Variants in TMEM30A observed in about 807,000 individuals in gnomAD.
The protein encoded by TMEM30A is cell cycle control protein 50A.
TMEM30A carries 24 observed loss-of-function variants against 38.2 expected under a neutral mutation model. The observed-to-expected ratio is 0.63, with a 90% CI of 0.46 to 0.88. The LOEUF is 0.88. Among genes scored for constraint, TMEM30A ranks in the 40% least tolerant of loss-of-function variants. The pLI, the probability that TMEM30A is intolerant of heterozygous loss-of-function variation, is 0.00. For missense variants in TMEM30A, 370 were observed against 458.6 expected, an observed-to-expected ratio of 0.81 and a Z score of 1.77; for synonymous variants, 145 against 161.6, an observed-to-expected ratio of 0.90 and a Z score of 0.78.
intron 1 of TMEM30A, among the ~76,000 whole-genome samples, chr6:75,270,040 G>A (rs1254090873): frequency 2.6e-5 from 4 of 151,984 alleles, no homozygotes; most frequent in Non-Finnish European, 2.9e-5. Flanking sequence ...TCCTGACCTC[G>A]TGATCCACCT....
intron 4 of TMEM30A, among the ~76,000 whole-genome samples, chr6:75,260,143 C>A (rs993743636): frequency 2.6e-5 from 4 of 152,102 alleles, no homozygotes; most frequent in African/African-American, 9.7e-5. Flanking sequence ...CAGTGGCTCA[C>A]GCCTGTAATC....
chr6:75,266,051 A>T (rs1772063080), intron 2 of TMEM30A, among the ~76,000 whole-genome samples: 1 of 152,230 alleles, frequency 6.6e-6, no homozygotes, highest in Non-Finnish European at 1.5e-5. Context: ...CTTTGAAATA[A>T]CCTGGGAAAG....
intron 1 of TMEM30A, among the ~76,000 whole-genome samples, chr6:75,272,040 C>T (rs1416144698): frequency 6.6e-6 from 1 of 152,148 alleles, no homozygotes; most frequent in African/African-American, 2.4e-5. Flanking sequence ...ATAGCATACA[C>T]ATTTTGTATT....
chr6:75,261,084 T>C lies in TMEM30A; in HGVS notation c.454-173A>G, dbSNP rs193012904. Among the ~76,000 whole-genome samples, 2 of 152,360 alleles carry C rather than the reference T, an allele frequency of 1.3e-5. 1 individual carries two copies. Among genetic ancestry groups the C allele is most frequent in the Admixed American group, 1.3e-4 (2 of 15,312 alleles). ...TAACACCACATTTAAATATTCAAAATGTATTCTGAACATTACTGCCTTACC... is the reference window on the plus strand; with the variant it reads ...TAACACCACATTTAAATATTCAAAACGTATTCTGAACATTACTGCCTTACC... On this transcript the variant is annotated intron_variant, in intron 3 of 6. Coordinates refer to ENST00000230461, the MANE Select transcript of TMEM30A (RefSeq NM_018247.4).
chr6:75,279,404 C>T (rs953269385), intron 1 of TMEM30A, among the ~76,000 whole-genome samples: 1 of 151,806 alleles, frequency 6.6e-6, no homozygotes, highest in Admixed American at 6.6e-5. Flanking sequence ...TGGGTTGTAA[C>T]AACTTTATTC....
At chr6:75,257,521 T>C (rs1771885494) in intron 6 of TMEM30A, among the ~76,000 whole-genome samples, 1 of 152,190 alleles carries the variant, frequency 6.6e-6, no homozygotes, top group South Asian at 2.1e-4. Context: ...AATTTGCCCT[T>C]ACTCTCTAGA....
Position 75,255,156 on chromosome 6 carries a change from C to CAAA in TMEM30A, c.*943_*945dup, listed in dbSNP as rs1185144921. On this transcript the variant is annotated 3_prime_UTR_variant, in exon 7 of 7. Coordinates refer to ENST00000230461, the MANE Select transcript of TMEM30A (RefSeq NM_018247.4). Reference sequence around the variant, plus strand: ...ATTTCTGGAATATTAGTACTTAAGTCAAAACACTTACCTGCAGAATAAAAA... The same window carrying CAAA: ...ATTTCTGGAATATTAGTACTTAAGTCAAAAAAACACTTACCTGCAGAATAAAAA... 1 of 152,428 alleles carries CAAA rather than the reference C, an allele frequency of 6.6e-6. No individual in the cohort carries two copies. The highest frequency in any genetic ancestry group is 1.5e-5 in the Non-Finnish European group (1 of 67,964). The allele number at this position is 152,428 out of a possible 1,614,324, so 9.4% of individuals were successfully genotyped here.
intron 6 of TMEM30A, chr6:75,256,834 C>T (rs181886887): frequency 8.8e-6 from 4 of 456,126 alleles, no homozygotes; most frequent in Non-Finnish European, 1.8e-5. Context: ...CACTCTGTGA[C>T]ACAGCTGATA....
intron 1 of TMEM30A, among the ~76,000 whole-genome samples, chr6:75,275,173 T>C (rs1772240284): frequency 6.6e-6 from 1 of 152,196 alleles, no homozygotes; most frequent in South Asian, 2.1e-4. Flanking sequence ...CCTTTGCTAG[T>C]TCCTCCTTAG....
intron 1 of TMEM30A, among the ~76,000 whole-genome samples, chr6:75,282,138 G>A (rs1027018541): frequency 2.6e-5 from 4 of 152,190 alleles, no homozygotes; most frequent in South Asian, 2.1e-4. Context: ...CCTCTTAGAC[G>A]CAGTCTAATC....
intron 2 of TMEM30A, among the ~76,000 whole-genome samples, chr6:75,266,788 TTC>T (rs1313625397): frequency 6.6e-6 from 1 of 152,214 alleles, no homozygotes; most frequent in African/African-American, 2.4e-5. Context: ...TAAATGTATA[TTC>T]TGTTTCTGCT....
At position 75,255,447 on chromosome 6, in the gene TMEM30A, T is replaced by C. The variant is rs1425608440; in HGVS notation, c.*655A>G. ...CAAACGGAAAGAGGAATTTTTTAATTCTCCTAAGCAGGACCTACCCAACCA... is the reference window on the plus strand; with the variant it reads ...CAAACGGAAAGAGGAATTTTTTAATCCTCCTAAGCAGGACCTACCCAACCA... On this transcript the variant is annotated 3_prime_UTR_variant, in exon 7 of 7. Coordinates refer to ENST00000230461, the MANE Select transcript of TMEM30A (RefSeq NM_018247.4). 6.6e-6 allele frequency: 1 copy of C among 152,342 alleles called. No individual in the cohort carries two copies. The highest frequency in any genetic ancestry group is 2.4e-5 in the African/African-American group (1 of 41,440). The allele number at this position is 152,342 out of a possible 1,614,324, so 9.4% of individuals were successfully genotyped here.
At chr6:75,274,154 T>C (rs139250264) in intron 1 of TMEM30A, among the ~76,000 whole-genome samples, 255 of 152,300 alleles carry the variant, frequency 1.7e-3, no homozygotes, top group African/African-American at 5.9e-3. Flanking sequence ...TCCATGTTAA[T>C]AGGAACTGCA....
intron 2 of TMEM30A, among the ~76,000 whole-genome samples, chr6:75,266,957 T>C (rs1029032955): frequency 1.3e-5 from 2 of 152,198 alleles, no homozygotes; most frequent in Non-Finnish European, 2.9e-5. Context: ...TCACTACCTT[T>C]AGAAAATCTT....
chr6:75,269,030 C>T (rs1772119719), intron 1 of TMEM30A, among the ~76,000 whole-genome samples: 1 of 152,134 alleles, frequency 6.6e-6, no homozygotes, highest in African/African-American at 2.4e-5. Context: ...AGGTTCACAG[C>T]AAAACTGAAC....
intron 1 of TMEM30A, among the ~76,000 whole-genome samples, chr6:75,281,474 T>C (rs1772354973): frequency 6.6e-6 from 1 of 152,082 alleles, no homozygotes; most frequent in South Asian, 2.1e-4. Context: ...TTATTGAAAA[T>C]CTAAAAACCA....
At chr6:75,268,041 G>A (rs1318431450) in intron 1 of TMEM30A, among the ~76,000 whole-genome samples, 1 of 151,936 alleles carries the variant, frequency 6.6e-6, no homozygotes. Flanking sequence ...TATTTACATA[G>A]CTAAAACATC....
chr6:75,263,646 CA>C (rs1202508266), intron 3 of TMEM30A, among the ~76,000 whole-genome samples: 1 of 152,148 alleles, frequency 6.6e-6, no homozygotes, highest in Non-Finnish European at 1.5e-5. Flanking sequence ...GCAAAATGAG[CA>C]GATTACTTGT....
intron 4 of TMEM30A, 82 bp downstream of exon 4, chr6:75,260,742 T>C (rs1771951492): frequency 2.5e-6 from 2 of 795,756 alleles, no homozygotes; most frequent in South Asian, 2.9e-5. Context: ...ATTTCATTCA[T>C]GTTTACTAAA....
Sources: gnomAD v4.1 joint callset for allele counts (sites outside exome capture counted in the v4.1 genomes callset) on GRCh38, gnomAD v4.1.1 for gene constraint, MANE v1.5 for transcripts, NCBI Gene and HGNC (gene_info 2026-07-23, HGNC 2026-07-21) for gene names.